The following HSPA4 variants were observed in gnomAD, a reference collection of about 807,000 sequenced individuals.
HSPA4 encodes the protein heat shock 70 kDa protein 4.
A neutral mutation model predicts 106.2 loss-of-function variants in HSPA4; 25 were observed. That is an observed-to-expected ratio of 0.24 (90% CI 0.17 to 0.33). The LOEUF (loss-of-function observed/expected upper bound fraction) is 0.33. Among genes scored for constraint, HSPA4 ranks in the 10% least tolerant of loss-of-function variants. The probability of loss-of-function intolerance (pLI) is 1.00; values close to 1 mark genes in which losing one functional copy is unlikely to be tolerated. For missense variants in HSPA4, 841 were observed against 996.0 expected (o/e 0.84, Z 2.10); for synonymous variants, 332 against 333.6 (o/e 1.00, Z 0.05).
At chr5:133,070,329 G>A (rs377670360) in intron 3 of HSPA4, 45 bp from the exon 4 acceptor site, 1 of 1,572,182 alleles carries the variant, frequency 6.4e-7, no homozygotes, top group Non-Finnish European at 8.6e-7. Context: ...AGGACATGAA[G>A]AAAGAAATAT....
chr5:133,094,894 T>A (rs985254858), intron 13 of HSPA4, among the ~76,000 whole-genome samples: 1 of 152,164 alleles, frequency 6.6e-6, no homozygotes, highest in Non-Finnish European at 1.5e-5. Context: ...AAGCTTGAAG[T>A]GAATATTTTT....
intron 7 of HSPA4, among the ~76,000 whole-genome samples, chr5:133,082,991 C>T (rs1018751850): frequency 2.0e-4 from 30 of 151,512 alleles, no homozygotes; most frequent in Non-Finnish European, 3.7e-4. Flanking sequence ...AAAAATTAGC[C>T]GGGTGTAGTG....
chr5:133,059,692 C>T (rs111398019), intron 1 of HSPA4, among the ~76,000 whole-genome samples: 1,828 of 152,268 alleles, frequency 0.012, 21 homozygotes, highest in South Asian at 0.029. Context: ...ATCATAGACT[C>T]TAATACGTTT....
intron 8 of HSPA4, among the ~76,000 whole-genome samples, chr5:133,087,612 GTTTA>G (rs1053600505): frequency 3.9e-5 from 6 of 152,076 alleles, no homozygotes; most frequent in Non-Finnish European, 8.8e-5. Context: ...TGTACCTGTA[GTTTA>G]TTTTTTATTT....
intron 14 of HSPA4, 137 bp downstream of exon 14, chr5:133,096,387 T>G (rs1041088537): frequency 1.4e-6 from 1 of 712,614 alleles, no homozygotes; most frequent in East Asian, 2.8e-5. Flanking sequence ...TGTGTGGTAT[T>G]GTAAGGGCAA....
chr5:133,089,198 A>G, intron 10 of HSPA4, 37 bp downstream of exon 10: 1 of 1,158,182 alleles, frequency 8.6e-7, no homozygotes, highest in Non-Finnish European at 1.3e-6. Context: ...ATCTAAAGTT[A>G]ATTGACTATT....
In HSPA4 at chr5:133,098,913, C is replaced by G. The variant is rs184812290; in HGVS notation, c.1930-632C>G. On this transcript the variant is annotated intron_variant, in intron 15 of 18. Coordinates refer to ENST00000304858, the MANE Select transcript of HSPA4 (RefSeq NM_002154.4). ...GTCTGTCCTTACCTCAGGTGATCCACCCGCCTCAGCCTCCCAAAGTGCTGG... is the reference window on the plus strand; with the variant it reads ...GTCTGTCCTTACCTCAGGTGATCCAGCCGCCTCAGCCTCCCAAAGTGCTGG... 6.1e-3 allele frequency among the ~76,000 whole-genome samples: 931 copies of G among 152,024 alleles called. 3 individuals are homozygous for G. The highest frequency in any genetic ancestry group is 0.011 in the Admixed American group (161 of 15,274).
At chr5:133,077,257 G>A (rs1328537265) in intron 7 of HSPA4, among the ~76,000 whole-genome samples, 1 of 151,598 alleles carries the variant, frequency 6.6e-6, no homozygotes, top group African/African-American at 2.4e-5. Flanking sequence ...TTTTTTTTGA[G>A]ATGGAGGTTT....
chr5:133,059,961 T>C (rs1765217854), intron 1 of HSPA4, among the ~76,000 whole-genome samples: 1 of 152,168 alleles, frequency 6.6e-6, no homozygotes, highest in South Asian at 2.1e-4. Context: ...CCTTTAAATA[T>C]TCTTGTCTTG....
chr5:133,062,050 T>G (rs557699659), intron 1 of HSPA4, among the ~76,000 whole-genome samples: 14 of 152,188 alleles, frequency 9.2e-5, no homozygotes, highest in Non-Finnish European at 1.8e-4. Flanking sequence ...AAAAGTGACA[T>G]AAGCAAAGCA....
At chr5:133,089,967 C>T (rs984336039) in intron 11 of HSPA4, among the ~76,000 whole-genome samples, 5 of 152,264 alleles carry the variant, frequency 3.3e-5, no homozygotes, top group East Asian at 1.9e-4. Context: ...CTTCCAGTCT[C>T]GTTAGCAGGT....
chr5:133,053,658 C>T (rs1185216168), intron 1 of HSPA4, among the ~76,000 whole-genome samples: 1 of 150,796 alleles, frequency 6.6e-6, no homozygotes, highest in Non-Finnish European at 1.5e-5. Context: ...CCCAGGGGCT[C>T]ACTTGTTATT....
intron 17 of HSPA4, 42 bp downstream of exon 17, chr5:133,101,920 A>ATTT: frequency 8.5e-7 from 1 of 1,174,488 alleles, no homozygotes; most frequent in South Asian, 1.8e-5. Context: ...AGTAAAGTTA[A>ATTT]CTTTTTTTTT....
chr5:133,067,612 G>T, intron 3 of HSPA4, 55 bp downstream of exon 3: 1 of 1,390,808 alleles, frequency 7.2e-7, no homozygotes, highest in Non-Finnish European at 1.0e-6. Flanking sequence ...TATTTTATCA[G>T]TTCAATATCT....
intron 6 of HSPA4, 85 bp downstream of exon 6, chr5:133,074,211 A>G (rs1398427499): frequency 2.4e-6 from 2 of 843,292 alleles, no homozygotes; most frequent in African/African-American, 1.8e-5. Flanking sequence ...TCTCATCTAC[A>G]ATATGGGAGA....
intron 2 of HSPA4, 126 bp downstream of exon 2, chr5:133,065,163 A>AC (rs1334989000): frequency 1.4e-6 from 1 of 715,678 alleles, no homozygotes; most frequent in Non-Finnish European, 2.4e-6. Context: ...GCAGATACAG[A>AC]CCTCTTCTCT....
intron 6 of HSPA4, among the ~76,000 whole-genome samples, chr5:133,074,746 A>G (rs1431373724): frequency 6.6e-6 from 1 of 152,210 alleles, no homozygotes; most frequent in Non-Finnish European, 1.5e-5. Context: ...TAGAAAGCCT[A>G]AAGTTTAAGC....
At position 133,097,292 on chromosome 5, in the gene HSPA4, T is replaced by G. The variant is rs761242051; in HGVS notation, c.1929+6T>G. On this transcript the variant is annotated splice_donor_region_variant and intron_variant, in intron 15 of 18. Coordinates refer to ENST00000304858, the MANE Select transcript of HSPA4 (RefSeq NM_002154.4). Reference sequence around the variant, plus strand: ...AGAAGTTTGTGAGTGAAGATGTAAGTCTGCCACAATATGCCTAACTACTGT... The same window carrying G: ...AGAAGTTTGTGAGTGAAGATGTAAGGCTGCCACAATATGCCTAACTACTGT... 6.2e-7 allele frequency: 1 copy of G among 1,611,604 alleles called. No homozygotes were observed. Among genetic ancestry groups the G allele is most frequent in the Non-Finnish European group, 8.5e-7 (1 of 1,178,212 alleles).
rs1463244185 is a variant in HSPA4, at chr5:133,105,723, C to T, written c.*1287C>T. The T allele has an allele frequency of 2.0e-5, 3 of 152,116 alleles. No homozygotes were observed. The highest frequency in any genetic ancestry group is 4.4e-5 in the Non-Finnish European group (3 of 68,034). 9.4% of individuals were successfully genotyped at this position (152,116 alleles called of 1,614,324 possible). A position where few individuals can be genotyped will look rare whatever the true frequency, so the allele number is the denominator to read the frequency against. On this transcript the variant is annotated 3_prime_UTR_variant, in exon 19 of 19. Transcript: ENST00000304858. ...AATTGATATTCTGTATAACAGAGTG[C>T]CTCTCTGTTACTTTTGGCCTATGTT... is the stretch of plus-strand genomic sequence containing the variant.
Sources: gnomAD v4.1 joint callset for allele counts (sites outside exome capture counted in the v4.1 genomes callset) on GRCh38, gnomAD v4.1.1 for gene constraint, MANE v1.5 for transcripts, NCBI Gene and HGNC (gene_info 2026-07-23, HGNC 2026-07-21) for gene names.